Variants in SOCS5 observed in about 807,000 individuals in gnomAD.
SOCS5 encodes suppressor of cytokine signaling 5.
In SOCS5, 32 loss-of-function variants were observed where a neutral mutation model predicts 42.8. The observed-to-expected ratio is 0.75, with a 90% confidence interval of 0.56 to 1.01. SOCS5 has a LOEUF of 1.01. SOCS5 is among the 50% of genes least tolerant of loss of function. The pLI is 0.00. For missense variants in SOCS5, 627 were observed against 653.0 expected (o/e 0.96, Z 0.43); for synonymous variants, 283 against 229.6 (o/e 1.23, Z -2.10).
At chr2:46,716,684 G>T (rs868133674) in intron 1 of SOCS5, among the ~76,000 whole-genome samples, 1 of 152,038 alleles carries the variant, frequency 6.6e-6, no homozygotes, top group Non-Finnish European at 1.5e-5. Context: ...TCTCTATGTT[G>T]CTCAGGCTAG....
chr2:46,711,958 A>G (rs1481345856), intron 1 of SOCS5, among the ~76,000 whole-genome samples: 2 of 152,164 alleles, frequency 1.3e-5, no homozygotes, highest in African/African-American at 2.4e-5. Flanking sequence ...CCACTATGAC[A>G]CTGTCTTGAT....
At chr2:46,728,394 A>T (rs1287140902) in intron 1 of SOCS5, among the ~76,000 whole-genome samples, 2 of 152,192 alleles carry the variant, frequency 1.3e-5, no homozygotes, top group Non-Finnish European at 2.9e-5. Context: ...TTTATTCATA[A>T]GCCAGCACAC....
chr2:46,700,827 C>G (rs942648746), intron 1 of SOCS5, among the ~76,000 whole-genome samples: 1 of 152,096 alleles, frequency 6.6e-6, no homozygotes, highest in African/African-American at 2.4e-5. Context: ...TCACTGAGAT[C>G]TTTAATCTTA....
chr2:46,735,577 T>G (rs1673224947), intron 1 of SOCS5, among the ~76,000 whole-genome samples: 1 of 151,984 alleles, frequency 6.6e-6, no homozygotes, highest in Non-Finnish European at 1.5e-5. Context: ...GTCATTTGCC[T>G]TCTCTGCTTG....
chr2:46,748,742 T>C (rs1673562997), intron 1 of SOCS5, among the ~76,000 whole-genome samples: 1 of 152,196 alleles, frequency 6.6e-6, no homozygotes, highest in Non-Finnish European at 1.5e-5. Flanking sequence ...CATTATTTTA[T>C]TTATTTTAGT....
intron 1 of SOCS5, among the ~76,000 whole-genome samples, chr2:46,725,848 C>T (rs1384699890): frequency 6.6e-6 from 1 of 151,948 alleles, no homozygotes; most frequent in Admixed American, 6.6e-5. Context: ...CAAAAGTGTC[C>T]TCATTTTACT....
chr2:46,710,943 G>A (rs1672606746), intron 1 of SOCS5, among the ~76,000 whole-genome samples: 1 of 152,118 alleles, frequency 6.6e-6, no homozygotes, highest in Non-Finnish European at 1.5e-5. Context: ...CATGCAGTAT[G>A]TACTCTTTTG....
intron 1 of SOCS5, among the ~76,000 whole-genome samples, chr2:46,717,291 A>C (rs1672769173): frequency 6.6e-6 from 1 of 152,122 alleles, no homozygotes; most frequent in Non-Finnish European, 1.5e-5. Context: ...CTAGGCAGAA[A>C]GCTGGAGCAA....
At chr2:46,704,016 G>T (rs986550299) in intron 1 of SOCS5, among the ~76,000 whole-genome samples, 1 of 152,146 alleles carries the variant, frequency 6.6e-6, no homozygotes, top group Admixed American at 6.5e-5. Flanking sequence ...TGATTTCAGA[G>T]AGACCATACT....
chr2:46,716,784 G>C (rs1354297428), intron 1 of SOCS5, among the ~76,000 whole-genome samples: 1 of 152,174 alleles, frequency 6.6e-6, no homozygotes, highest in Non-Finnish European at 1.5e-5. Flanking sequence ...CCAATTTTAT[G>C]AATCAACTTG....
In SOCS5 at chr2:46,758,722, C is replaced by T. The variant is rs907784118; in HGVS notation, c.192C>T (p.Ala64=). 13 of 1,613,956 alleles carry T rather than the reference C, an allele frequency of 8.1e-6. No homozygotes were observed. Among genetic ancestry groups the T allele is most frequent in the African/African-American group, 1.3e-5 (1 of 74,904 alleles). The stretch of plus-strand genomic sequence containing the variant: ...GCAGTCCCTTAAGAGAAAATATTGC[C>T]TTACAACTGGGATTAAGCCCTTCGA... ...QQSSPLRENI[A]LQLGLSPSKN... Residue 64 remains alanine, a synonymous_variant, in exon 2 of 2, where the codon GCC becomes GCT. Transcript: ENST00000394861.
chr2:46,727,218 A>G (rs56953385), intron 1 of SOCS5, among the ~76,000 whole-genome samples: 18,194 of 135,878 alleles, frequency 0.13, 1,247 homozygotes, highest in Middle Eastern at 0.19. Flanking sequence ...GCACGATCTC[A>G]GCTCACTGCA....
intron 1 of SOCS5, among the ~76,000 whole-genome samples, chr2:46,741,399 G>A (rs905243354): frequency 1.3e-5 from 2 of 152,014 alleles, no homozygotes; most frequent in Non-Finnish European, 2.9e-5. Context: ...CCACCATGCC[G>A]GGCTAATTTT....
intron 1 of SOCS5, among the ~76,000 whole-genome samples, chr2:46,739,312 A>T (rs754958699): frequency 6.6e-6 from 1 of 152,200 alleles, no homozygotes; most frequent in African/African-American, 2.4e-5. Flanking sequence ...TAATTAGAGA[A>T]ATAATAGTCT....
intron 1 of SOCS5, among the ~76,000 whole-genome samples, chr2:46,719,614 G>T (rs1270264809): frequency 3.9e-5 from 6 of 152,254 alleles, no homozygotes; most frequent in South Asian, 4.1e-4. Context: ...TATGTTTGAC[G>T]TCTGTATCCC....
chr2:46,722,408 A>G (rs890154820), intron 1 of SOCS5, among the ~76,000 whole-genome samples: 2 of 152,110 alleles, frequency 1.3e-5, no homozygotes, highest in African/African-American at 4.8e-5. Context: ...CTTGAGGTAT[A>G]TGTAGGCCAG....
chr2:46,761,972 G>A lies in SOCS5; in HGVS notation c.*1831G>A, dbSNP rs546816851. Reference sequence around the variant, plus strand: ...GTATCTGTAACCTCCCACTGCATCAGAAGCAGGTTAAATGAAGTCTTGTGA... The same window carrying A: ...GTATCTGTAACCTCCCACTGCATCAAAAGCAGGTTAAATGAAGTCTTGTGA... On this transcript the variant is annotated 3_prime_UTR_variant, in exon 2 of 2. Transcript: ENST00000394861. The A allele has an allele frequency of 6.0e-6, 1 of 167,118 alleles. No individual in the cohort carries two copies. Among genetic ancestry groups the A allele is most frequent in the South Asian group, 2.1e-4 (1 of 4,826 alleles). The allele number at this position is 167,118 out of a possible 1,614,324, so 10.4% of individuals were successfully genotyped here.
intron 1 of SOCS5, among the ~76,000 whole-genome samples, chr2:46,701,021 C>T (rs570531115): frequency 6.6e-6 from 1 of 152,142 alleles, no homozygotes; most frequent in Non-Finnish European, 1.5e-5. Flanking sequence ...TTTCAGTTGG[C>T]ACCTTCTTAG....
rs571515505 is a variant in SOCS5 at position 46,759,494 on chromosome 2, T to G, written c.964T>G (p.Cys322Gly). The G allele has an allele frequency of 3.1e-5, 50 of 1,614,000 alleles. No individual in the cohort carries two copies. The East Asian group carries it at 1.1e-3, about 35-fold the overall frequency. ...GDSSAIPQAN[C>G]DSEEDTTTLC... ...CAGTTCTGCAATTCCACAAGCTAAT[T>G]GTGACTCGGAAGAGGATACAACCAC... The change falls in exon 2 of 2, where the codon TGT becomes GGT. Residue 322 changes from cysteine to glycine, a missense_variant. Cys to Gly is a radical substitution (Grantham distance 159). Transcript: ENST00000394861.
Sources: allele counts gnomAD v4.1 joint callset (sites outside exome capture counted in the v4.1 genomes callset), GRCh38; gene constraint gnomAD v4.1.1; transcripts MANE v1.5; gene names NCBI Gene and HGNC (gene_info 2026-07-23, HGNC 2026-07-21).